The following MAPT variants were observed in gnomAD, a reference collection of about 807,000 sequenced individuals.
MAPT encodes the protein microtubule associated protein tau, also known as microtubule-associated protein tau.
In MAPT, 34 loss-of-function variants were observed where a neutral mutation model predicts 67.9. The ratio of observed to expected loss-of-function variants is 0.50; its 90% CI spans 0.38 to 0.67. The LOEUF (loss-of-function observed/expected upper bound fraction) is 0.67. Ranked by LOEUF, MAPT falls within the 30% of genes least tolerant of loss-of-function variation. The pLI is 0.00. For missense variants in MAPT, 881 were observed against 1,115.2 expected (o/e 0.79, Z 2.99); for synonymous variants, 456 against 464.5 (o/e 0.98, Z 0.23).
rs199554596 is a variant in MAPT, at chr17:45,941,589, C to CCCTT, written c.-17-20717_-17-20714dup. Among the ~76,000 whole-genome samples the CCCTT allele has an allele frequency of 9.0e-5, 12 of 132,652 alleles. 1 individual carries two copies. The highest frequency in any genetic ancestry group is 2.3e-4 in the African/African-American group (8 of 34,642). 87.0% of individuals were successfully genotyped at this position (132,652 alleles called of 152,430 possible). On this transcript the variant is annotated intron_variant, in intron 1 of 12. Coordinates refer to ENST00000262410, the MANE Select transcript of MAPT (RefSeq NM_001377265.1). ...TTGCCAGCTTTTTCTCCTTTGCCCGCCCTTCCTTCCTTCCTTCCCTCCCTC... is the reference window on the plus strand; with the variant it reads ...TTGCCAGCTTTTTCTCCTTTGCCCGCCCTTCCTTCCTTCCTTCCTTCCCTCCCTC...
chr17:45,996,733 G>C lies in MAPT; in HGVS notation c.1998+69G>C. On this transcript the variant is annotated intron_variant, in intron 9 of 12. Coordinates refer to ENST00000262410, the MANE Select transcript of MAPT (RefSeq NM_001377265.1). This position sits in a 1 kb window ranked among gnomAD's most constrained non-coding sequence, Gnocchi z 4.5. ...TGGAGGGGTAGGGCTGTGCCTGGAA[G>C]GGTAGGGCTGCGCCTGGAGGTGCGC... The C allele has an allele frequency of 6.3e-7, 1 of 1,585,070 alleles. No homozygotes were observed. Among genetic ancestry groups the C allele is most frequent in the Middle Eastern group, 1.7e-4 (1 of 5,874 alleles).
chr17:46,000,280 G>A (rs1198393945), intron 9 of MAPT, among the ~76,000 whole-genome samples: 1 of 152,272 alleles, frequency 6.6e-6, no homozygotes, highest in African/African-American at 2.4e-5. Context: ...TCCCCTTTGT[G>A]CTTTTCTCTG....
At chr17:45,944,333 G>T (rs2316784) in intron 1 of MAPT, among the ~76,000 whole-genome samples, 21,798 of 152,208 alleles carry the variant, frequency 0.14, 2,129 homozygotes, top group Non-Finnish European at 0.22. Flanking sequence ...GCCGAGAACA[G>T]GTGTCCTTCA....
chr17:45,920,960 A>G (rs1417346006), intron 1 of MAPT, among the ~76,000 whole-genome samples: 5 of 152,364 alleles, frequency 3.3e-5, no homozygotes, highest in African/African-American at 1.2e-4. Context: ...TATAGTGGCA[A>G]ACGTATGCAT....
chr17:45,926,926 C>T (rs949036613), intron 1 of MAPT, among the ~76,000 whole-genome samples: 17 of 149,102 alleles, frequency 1.1e-4, no homozygotes, highest in African/African-American at 3.9e-4. Flanking sequence ...TATATATATA[C>T]ACATATATAC....
chr17:45,966,078 C>T (rs948220795), intron 2 of MAPT, among the ~76,000 whole-genome samples: 2 of 152,210 alleles, frequency 1.3e-5, no homozygotes, highest in Non-Finnish European at 2.9e-5. Flanking sequence ...ACATGTGCCT[C>T]ATATGGATTG....
At position 45,995,292 on chromosome 17, in the gene MAPT, G is replaced by T. The variant is rs769223478; in HGVS notation, c.1733-1107G>T. Among the ~76,000 whole-genome samples the T allele has an allele frequency of 6.6e-6, 1 of 152,172 alleles. No homozygotes were observed. Among genetic ancestry groups the T allele is most frequent in the Non-Finnish European group, 1.5e-5 (1 of 68,038 alleles). ...GGGAGCTAAGCACACCTCGGCACAG[G>T]GTGAGGCCTGCGGTTCTCAGACTTC... On this transcript the variant is annotated intron_variant, in intron 8 of 12. Transcript: ENST00000262410. This position sits in a 1 kb window ranked among gnomAD's most constrained non-coding sequence, Gnocchi z 4.3.
intron 1 of MAPT, among the ~76,000 whole-genome samples, chr17:45,947,453 G>A (rs1161374176): frequency 6.8e-6 from 1 of 147,434 alleles, no homozygotes; most frequent in Non-Finnish European, 1.5e-5. Context: ...GCATGATCTC[G>A]GCTCACTGCA....
chr17:45,948,781 G>A (rs1352934756), intron 1 of MAPT, among the ~76,000 whole-genome samples: 2 of 152,148 alleles, frequency 1.3e-5, no homozygotes, highest in African/African-American at 4.8e-5. Context: ...TTCAAACATG[G>A]TTCCTATCAT....
At chr17:45,909,644 G>A (rs998690446) in intron 1 of MAPT, among the ~76,000 whole-genome samples, 3 of 152,122 alleles carry the variant, frequency 2.0e-5, no homozygotes, top group African/African-American at 7.2e-5. Flanking sequence ...GGCTGAGGCA[G>A]GTGGTCACCT....
At chr17:46,007,064 CGT>C (rs2075495113) in intron 9 of MAPT, among the ~76,000 whole-genome samples, 1 of 151,594 alleles carries the variant, frequency 6.6e-6, no homozygotes, top group Non-Finnish European at 1.5e-5. Flanking sequence ...CCCCATTCAC[CGT>C]GATGTGATTA....
chr17:45,916,024 C>T (rs2065180310), intron 1 of MAPT, among the ~76,000 whole-genome samples: 1 of 152,222 alleles, frequency 6.6e-6, no homozygotes, highest in South Asian at 2.1e-4. Flanking sequence ...TGGGCGGATT[C>T]ACACCCTGCC....
At chr17:45,935,572 A>G (rs535942289) in intron 1 of MAPT, among the ~76,000 whole-genome samples, 35 of 152,282 alleles carry the variant, frequency 2.3e-4, no homozygotes, top group Admixed American at 1.9e-3. Flanking sequence ...GCTTATTTCC[A>G]GCTGAGAGCC....
In MAPT at chr17:45,996,608, G is replaced by A. The variant is rs766508402; in HGVS notation, c.1942G>A (p.Val648Ile). The change falls in exon 9 of 13, where the codon GTC becomes ATC. Residue 648 changes from valine (V) to isoleucine (I), a missense_variant. This residue lies in a region of MAPT where 45 missense variants were observed against 43.2 expected (regional missense o/e 1.04). Transcript: ENST00000262410. The surrounding 1 kb of genome is among the most constrained non-coding windows in gnomAD (Gnocchi z 4.5). ...APVPMPDLKN[V>I]KSKIGSTENL... is the part of the protein sequence containing the mutation. ...CGTGCCCATGCCAGACCTGAAGAAT[G>A]TCAAGTCCAAGATCGGCTCCACTGA... is the stretch of plus-strand genomic sequence containing the variant. The A allele has an allele frequency of 2.7e-5, 43 of 1,613,854 alleles. No homozygotes were observed. Among genetic ancestry groups the A allele is most frequent in the Non-Finnish European group, 3.6e-5 (42 of 1,179,944 alleles).
At chr17:45,987,337 C>T (rs1420347373) in intron 6 of MAPT, among the ~76,000 whole-genome samples, 2 of 132,692 alleles carry the variant, frequency 1.5e-5, no homozygotes, top group African/African-American at 5.1e-5. Flanking sequence ...TTCCAGCTTT[C>T]TTAGTGTACT....
rs955370312 is a variant in MAPT at position 46,010,501 on chromosome 17, C to A, written c.2091+99C>A. Reference sequence around the variant, plus strand: ...TGCGAGACACTGCATAGAATAAATCCTTCTTGGGCTCTCAGGATCTGGCTG... The same window carrying A: ...TGCGAGACACTGCATAGAATAAATCATTCTTGGGCTCTCAGGATCTGGCTG... On this transcript the variant is annotated intron_variant, in intron 10 of 12. Coordinates refer to ENST00000262410, the MANE Select transcript of MAPT (RefSeq NM_001377265.1). The surrounding 1 kb of genome is among the most constrained non-coding windows in gnomAD (Gnocchi z 4.7). 8 of 884,864 alleles carry A rather than the reference C, an allele frequency of 9.0e-6. No individual in the cohort carries two copies. The highest frequency in any genetic ancestry group is 8.3e-5 in the African/African-American group (5 of 60,362). 54.8% of individuals were successfully genotyped at this position (884,864 alleles called of 1,614,324 possible).
At chr17:45,963,985 C>T (rs2070747740) in intron 2 of MAPT, among the ~76,000 whole-genome samples, 8 of 152,086 alleles carry the variant, frequency 5.3e-5, no homozygotes, top group Admixed American at 5.2e-4. Context: ...AGGGGCTGCT[C>T]AGAGGTGTTC....
At position 45,913,110 on chromosome 17, in the gene MAPT, C is replaced by G. The variant is rs1281789862; in HGVS notation, c.-18+18424C>G. Among the ~76,000 whole-genome samples the G allele has an allele frequency of 2.6e-5, 4 of 152,278 alleles. No homozygotes were observed. In the East Asian group the frequency reaches 7.7e-4, roughly 29 times the overall value. ...TTTCACGCTGCTGATAAAGACATACCCGAGACTGGGGAATTTACAAAAGAA... is the reference window on the plus strand; with the variant it reads ...TTTCACGCTGCTGATAAAGACATACGCGAGACTGGGGAATTTACAAAAGAA... On this transcript the variant is annotated intron_variant, in intron 1 of 12. Transcript: ENST00000262410.
chr17:45,912,399 A>G (rs1424707160), intron 1 of MAPT, among the ~76,000 whole-genome samples: 1 of 152,210 alleles, frequency 6.6e-6, no homozygotes, highest in African/African-American at 2.4e-5. Context: ...ATGCAGTCAC[A>G]CTCATCCTTG....
Sources: allele counts gnomAD v4.1 joint callset (sites outside exome capture counted in the v4.1 genomes callset), GRCh38; gene constraint gnomAD v4.1.1; regional missense constraint gnomAD v4.1.1; non-coding constraint Gnocchi (gnomAD v3.1); transcripts MANE v1.5; gene names NCBI Gene and HGNC (gene_info 2026-07-23, HGNC 2026-07-21).